KIF12: variants seen among roughly 807,000 people sequenced by gnomAD.
KIF12 encodes the protein kinesin-like protein KIF12.
Under a neutral mutation model 87.9 loss-of-function variants are expected in KIF12, and 80 were observed. The ratio of observed to expected loss-of-function variants is 0.91; its 90% CI spans 0.76 to 1.10. The LOEUF (loss-of-function observed/expected upper bound fraction) is 1.10. Ranked by LOEUF, KIF12 falls within the 50% of genes least tolerant of loss-of-function variation. The pLI, the probability that KIF12 is intolerant of heterozygous loss-of-function variation, is 0.00. For synonymous variants in KIF12, 353 were observed against 348.5 expected, an observed-to-expected ratio of 1.01 and a Z score of -0.14; for missense variants, 819 against 865.3, an observed-to-expected ratio of 0.95 and a Z score of 0.67.
intron 14 of KIF12, 73 bp downstream of exon 14, chr9:114,093,813 G>A: frequency 7.6e-7 from 1 of 1,320,060 alleles, no homozygotes; most frequent in Admixed American, 1.7e-5. Flanking sequence ...GCCTCAAGCA[G>A]TTCATTAAGC....
Position 114,096,453 on chromosome 9 carries a change from G to C in KIF12, c.672C>G (p.Ala224=). ...GGCTGGAGGCCTGGTTCAGGGTGTGGGCTGAGTTCCTTCGACGGCTGAGAC... is the reference window on the plus strand; with the variant it reads ...GGCTGGAGGCCTGGTTCAGGGTGTGCGCTGAGTTCCTTCGACGGCTGAGAC... ...QTGLSRRRNS[A]HTLNQASSRS... is the part of the protein sequence containing the mutation. The change falls in exon 8 of 19, where the codon GCC becomes GCG. Residue 224 remains alanine, a synonymous_variant. Transcript: ENST00000640217. 3.1e-6 allele frequency: 5 copies of C among 1,612,406 alleles called. No individual in the cohort carries two copies. The highest frequency in any genetic ancestry group is 4.2e-6 in the Non-Finnish European group (5 of 1,179,402).
chr9:114,097,916 G>A (rs1192095715), intron 5 of KIF12, 175 bp from the exon 6 acceptor site: 21 of 977,680 alleles, frequency 2.1e-5, no homozygotes, highest in Admixed American at 8.5e-5. Context: ...GAGCTAGGAA[G>A]GGGCCAAAGT....
rs1847162511 is a variant in KIF12 at position 114,095,087 on chromosome 9, G to A, written c.1055C>T (p.Thr352Ile). Reference sequence around the variant, plus strand: ...GCTTGCATATCGCAGGGTGCTGAGAGTCTCAGGAAGGCACTGGGCTGAGGG... The same window carrying A: ...GCTTGCATATCGCAGGGTGCTGAGAATCTCAGGAAGGCACTGGGCTGAGGG... The part of the protein sequence containing the change: ...VSPSAQCLPE[T>I]LSTLRYASRA... Residue 352 changes from threonine (T) to isoleucine (I), a missense_variant, in exon 11 of 19, where the codon ACT becomes ATT. By Grantham distance (89) the Thr-to-Ile change is moderately conservative. Transcript: ENST00000640217. 1.2e-6 allele frequency: 2 copies of A among 1,610,502 alleles called. No individual in the cohort carries two copies. Among genetic ancestry groups the A allele is most frequent in the Non-Finnish European group, 1.7e-6 (2 of 1,178,268 alleles).
chr9:114,098,881 G>A, intron 3 of KIF12, 54 bp downstream of exon 3: 2 of 1,529,194 alleles, frequency 1.3e-6, no homozygotes, highest in Non-Finnish European at 1.8e-6. Flanking sequence ...TGGGGGAAGG[G>A]ATCTGGCGTC....
At position 114,096,104 on chromosome 9, in the gene KIF12, C is replaced by T. The variant is rs1030971963; in HGVS notation, c.842G>A (p.Arg281His). Residue 281 changes from arginine to histidine, a missense_variant, in exon 9 of 19, where the codon CGT (arginine) becomes CAT (histidine). Physicochemically the swap from Arg to His is conservative, Grantham distance 29. Transcript: ENST00000640217. ...GSEKVAATGSRGELMLEANSI... is the reference protein window; with the variant it reads ...GSEKVAATGSHGELMLEANSI... ...GTTAGCCTCAAGCATCAGCTCCCCACGGGATCCCGTGGCTGCTACCTTCTC... is the reference window on the plus strand; with the variant it reads ...GTTAGCCTCAAGCATCAGCTCCCCATGGGATCCCGTGGCTGCTACCTTCTC... 25 of 1,613,804 alleles carry T rather than the reference C, an allele frequency of 1.5e-5. No individual in the cohort carries two copies. In the East Asian group the frequency reaches 3.8e-4, roughly 24 times the overall value.
rs756980566 is a variant in KIF12, at chr9:114,097,376, G to T, written c.571C>A (p.Arg191=). 2 of 1,608,718 alleles carry T rather than the reference G, an allele frequency of 1.2e-6. No homozygotes were observed. The highest frequency in any genetic ancestry group is 8.5e-7 in the Non-Finnish European group (1 of 1,178,792). Residue 191 remains arginine, a synonymous_variant, in exon 7 of 19, where the codon CGG becomes AGG. Transcript: ENST00000640217. ...CGCAGCTGCTCCACATAGAAGCCCCGAGTCTTGTTCCAGCGAACAGGGAGG... is the reference window on the plus strand; with the variant it reads ...CGCAGCTGCTCCACATAGAAGCCCCTAGTCTTGTTCCAGCGAACAGGGAGG... ...RPLPVRWNKT[R]GFYVEQLRVV... is the part of the protein sequence containing the mutation.
At chr9:114,099,202 A>C (rs984007182) in intron 1 of KIF12, 33 bp from the exon 2 acceptor site, 21 of 1,550,706 alleles carry the variant, frequency 1.4e-5, no homozygotes, top group Non-Finnish European at 1.8e-5. Flanking sequence ...TCATACCTGC[A>C]CCTAGCGGCT....
rs761902397 is a variant in KIF12 at position 114,097,574 on chromosome 9, T to C, written c.510+33A>G. On this transcript the variant is annotated intron_variant, in intron 6 of 18. Transcript: ENST00000640217. ...TGGAAAGAAGCGCTCCGTTTCCTCA[T>C]GGGCTGTCTTTCTATTCCTCTCATT... The C allele has an allele frequency of 6.2e-6, 10 of 1,612,720 alleles. No individual in the cohort carries two copies. The East Asian group carries it at 2.0e-4, about 32-fold the overall frequency.
Position 114,096,028 on chromosome 9 carries a change from C to T in KIF12, c.895+23G>A, listed in dbSNP as rs1218929994. ...GGCACAGAGGAGAGACAGGAAATCA[C>T]ACCGGTGGCCCCCAGGTCTCACCCA... On this transcript the variant is annotated intron_variant, in intron 9 of 18. Coordinates refer to ENST00000640217, the MANE Select transcript of KIF12 (RefSeq NM_001388308.1). 3.8e-6 allele frequency: 6 copies of T among 1,593,250 alleles called. No individual in the cohort carries two copies. The South Asian group carries it at 5.8e-5, about 15-fold the overall frequency.
intron 11 of KIF12, among the ~76,000 whole-genome samples, 156 bp downstream of exon 11, chr9:114,094,867 C>T (rs148158878): frequency 5.0e-4 from 76 of 152,290 alleles, no homozygotes; most frequent in African/African-American, 1.8e-3. Context: ...ACCCTGACCC[C>T]ATCCTATACA....
rs745913192 is a variant in KIF12 at position 114,096,099 on chromosome 9, C to G, written c.847G>C (p.Glu283Gln). The change falls in exon 9 of 19, where the codon GAG becomes CAG. Residue 283 changes from glutamate (E) to glutamine (Q), a missense_variant. Physicochemically the swap from Glu to Gln is conservative, Grantham distance 29. Coordinates refer to ENST00000640217, the MANE Select transcript of KIF12 (RefSeq NM_001388308.1). The stretch of plus-strand genomic sequence containing the variant: ...ATGCTGTTAGCCTCAAGCATCAGCT[C>G]CCCACGGGATCCCGTGGCTGCTACC... ...EKVAATGSRG[E>Q]LMLEANSINR... The G allele has an allele frequency of 6.2e-7, 1 of 1,613,798 alleles. No individual in the cohort carries two copies. The highest frequency in any genetic ancestry group is 2.2e-5 in the East Asian group (1 of 44,842).
chr9:114,098,074 C>T (rs1847310798), intron 5 of KIF12, 41 bp downstream of exon 5: 2 of 1,533,534 alleles, frequency 1.3e-6, no homozygotes, highest in Non-Finnish European at 8.8e-7. Context: ...TTCCAGCCCA[C>T]CCAGCCCCGC....
Position 114,093,411 on chromosome 9 carries a change from CA to C in KIF12, c.1486del (p.Cys496AlafsTer86). 1 of 1,564,946 alleles carries C rather than the reference CA, an allele frequency of 6.4e-7. No homozygotes were observed. Among genetic ancestry groups the C allele is most frequent in the South Asian group, 1.2e-5 (1 of 84,604 alleles). On this transcript the variant is annotated frameshift_variant, in exon 15 of 19. Coordinates refer to ENST00000640217, the MANE Select transcript of KIF12 (RefSeq NM_001388308.1). LOFTEE classifies it high-confidence loss of function. ...AGGCTGGGCCGTGAGACTCACATGG[CA>C]AGGGGGAGCTGGGGCCATCAAGCAG... ...CPCLMAPAPP[C>X]HALPPLYSCP...
chr9:114,093,628 G>A, intron 14 of KIF12, 131 bp from the exon 15 acceptor site: 1 of 788,460 alleles, frequency 1.3e-6, no homozygotes, highest in Non-Finnish European at 2.1e-6. Context: ...AGTTTTACAT[G>A]TTAACTTATT....
chr9:114,098,442 G>A lies in KIF12; in HGVS notation c.172-13C>T. 4 of 1,391,826 alleles carry A rather than the reference G, an allele frequency of 2.9e-6. No individual in the cohort carries two copies. Among genetic ancestry groups the A allele is most frequent in the South Asian group, 1.4e-5 (1 of 72,724 alleles). 86.2% of individuals were successfully genotyped at this position (1,391,826 alleles called of 1,614,324 possible). ...CTGGAGGACTCACCTGGCGCGGGTG[G>A]GGCGGAGGAGCGGGGCACTCTGGAG... is the stretch of plus-strand genomic sequence containing the variant. On this transcript the variant is annotated splice_polypyrimidine_tract_variant and intron_variant, in intron 3 of 18. Transcript: ENST00000640217.
In KIF12 at chr9:114,099,085, C is replaced by G. The variant is rs900490761; in HGVS notation, c.92+19G>C. 4 of 1,550,342 alleles carry G rather than the reference C, an allele frequency of 2.6e-6. No individual in the cohort carries two copies. The African/African-American group carries it at 5.5e-5, about 21-fold the overall frequency. ...GATCCTTGTCTCGCCCAGGTGCCTC[C>G]TAGCCAATTTATACCCACCTGAGCA... is the stretch of plus-strand genomic sequence containing the variant. On this transcript the variant is annotated intron_variant, in intron 2 of 18. Transcript: ENST00000640217.
chr9:114,094,099 G>C, intron 13 of KIF12, 82 bp downstream of exon 13: 1 of 1,472,860 alleles, frequency 6.8e-7, no homozygotes, highest in Non-Finnish European at 9.5e-7. Context: ...GCCAGGGGCA[G>C]GGAGAGGAGG....
chr9:114,097,735 C>A lies in KIF12; in HGVS notation c.382G>T (p.Gly128Trp). 1.2e-6 allele frequency: 2 copies of A among 1,613,264 alleles called. No individual in the cohort carries two copies. The highest frequency in any genetic ancestry group is 1.7e-6 in the Non-Finnish European group (2 of 1,179,742). ...TLTGPPPQGE[G>W]VPVPPSLAGI... ...GCCAGGCTGGGGGGTACAGGCACCC[C>A]CTCCCCCTAGGGGCAAAACCAGCTG... The change falls in exon 6 of 19, where the codon GGG (glycine) becomes TGG (tryptophan). Residue 128 changes from glycine (G) to tryptophan (W), a missense_variant. Physicochemically the swap from Gly to Trp is radical, Grantham distance 184. Coordinates refer to ENST00000640217, the MANE Select transcript of KIF12 (RefSeq NM_001388308.1).
chr9:114,092,157 C>G, intron 18 of KIF12, 157 bp from the exon 19 acceptor site: 1 of 1,356,832 alleles, frequency 7.4e-7, no homozygotes, highest in Non-Finnish European at 9.7e-7. Flanking sequence ...CAACATACAT[C>G]TGGGCACGCA....
Sources: gnomAD v4.1 joint callset for allele counts (sites outside exome capture counted in the v4.1 genomes callset) on GRCh38, gnomAD v4.1.1 for gene constraint, MANE v1.5 for transcripts, NCBI Gene and HGNC (gene_info 2026-07-23, HGNC 2026-07-21) for gene names.